The following DSCAM variants were observed in gnomAD, a reference collection of about 807,000 sequenced individuals.
DSCAM encodes the protein DS cell adhesion molecule.
DSCAM carries 47 observed loss-of-function variants against 217.7 expected under a neutral mutation model. The observed-to-expected ratio is 0.22, with a 90% CI of 0.17 to 0.28. The LOEUF (loss-of-function observed/expected upper bound fraction) is 0.28. Among genes scored for constraint, DSCAM ranks in the 10% least tolerant of loss-of-function variants. The pLI is 1.00. For missense variants in DSCAM, 2,080 were observed against 2,618.3 expected (o/e 0.79, Z 4.49); for synonymous variants, 1,056 against 1,015.3 (o/e 1.04, Z -0.76).
intron 11 of DSCAM, among the ~76,000 whole-genome samples, chr21:40,213,866 C>T (rs962057453): frequency 1.3e-5 from 2 of 152,190 alleles, no homozygotes; most frequent in Admixed American, 1.3e-4. Flanking sequence ...CAGGGCTCTT[C>T]CCCCAAAGAC....
chr21:40,347,518 AT>A, intron 6 of DSCAM, 151 bp downstream of exon 6: 1 of 1,032,884 alleles, frequency 9.7e-7, no homozygotes, highest in Non-Finnish European at 1.4e-6. Context: ...CATTTGCCTG[AT>A]TTAGCTTGAA....
intron 3 of DSCAM, among the ~76,000 whole-genome samples, chr21:40,550,140 G>A (rs962003124): frequency 4.6e-5 from 7 of 152,070 alleles, no homozygotes; most frequent in East Asian, 1.9e-4. Context: ...CACCAACACC[G>A]AGCCCCAGGC....
intron 29 of DSCAM, among the ~76,000 whole-genome samples, chr21:40,053,397 A>T (rs1298139863): frequency 1.3e-5 from 2 of 152,100 alleles, no homozygotes; most frequent in Admixed American, 1.3e-4. Context: ...CTACAACTGG[A>T]CCCAGCACGA....
intron 3 of DSCAM, among the ~76,000 whole-genome samples, chr21:40,679,250 A>C (rs190020851): frequency 6.6e-6 from 1 of 152,374 alleles, no homozygotes; most frequent in African/African-American, 2.4e-5. Flanking sequence ...AAAGTTTCTT[A>C]TTCAAGATTC....
chr21:40,543,227 A>T (rs1181922273), intron 3 of DSCAM, among the ~76,000 whole-genome samples: 8 of 152,140 alleles, frequency 5.3e-5, no homozygotes, highest in Non-Finnish European at 1.2e-4. Flanking sequence ...TTAAAACCTG[A>T]TGTATTCACC....
At chr21:40,806,466 T>G (rs1294817460) in intron 1 of DSCAM, among the ~76,000 whole-genome samples, 1 of 152,194 alleles carries the variant, frequency 6.6e-6, no homozygotes, top group Non-Finnish European at 1.5e-5. Context: ...AATATAGAGT[T>G]GCTACACAAG....
chr21:40,654,947 G>A lies in DSCAM; in HGVS notation c.508+37863C>T, dbSNP rs565188473. Among the ~76,000 whole-genome samples the A allele has an allele frequency of 7.2e-5, 11 of 152,274 alleles. No individual in the cohort carries two copies. The South Asian group carries it at 2.3e-3, about 32-fold the overall frequency. On this transcript the variant is annotated intron_variant, in intron 3 of 32. Transcript: ENST00000400454. ...TTACTAAGTACCAGATTTTCCACCA[G>A]GGGTTAAGGATACCCCCTCAGCTGT...
chr21:40,414,186 A>T (rs966346308), intron 3 of DSCAM, among the ~76,000 whole-genome samples: 1 of 152,212 alleles, frequency 6.6e-6, no homozygotes, highest in Non-Finnish European at 1.5e-5. Context: ...AAGAAAATAA[A>T]AAGTCCAACT....
intron 32 of DSCAM, among the ~76,000 whole-genome samples, chr21:40,026,445 T>C (rs1256443923): frequency 7.1e-6 from 1 of 140,940 alleles, no homozygotes; most frequent in Non-Finnish European, 1.5e-5. Flanking sequence ...TTCTGTCTCG[T>C]TGATCTGTCT....
chr21:40,382,876 C>A (rs2075040956), intron 3 of DSCAM, among the ~76,000 whole-genome samples: 1 of 152,240 alleles, frequency 6.6e-6, no homozygotes, highest in Admixed American at 6.5e-5. Flanking sequence ...AACTGCCCAT[C>A]ATATGCAGAC....
chr21:40,268,878 A>C (rs1428568168), intron 11 of DSCAM, among the ~76,000 whole-genome samples: 1 of 152,090 alleles, frequency 6.6e-6, no homozygotes, highest in Non-Finnish European at 1.5e-5. Flanking sequence ...CTCCCTCACC[A>C]GGTACTGAGC....
chr21:40,643,138 G>T (rs1042473984), intron 3 of DSCAM, among the ~76,000 whole-genome samples: 1 of 152,166 alleles, frequency 6.6e-6, no homozygotes, highest in South Asian at 2.1e-4. Context: ...CCAGAGTGCA[G>T]CTCAGATATG....
intron 10 of DSCAM, among the ~76,000 whole-genome samples, chr21:40,292,627 AATT>A (rs924753424): frequency 6.6e-6 from 1 of 152,158 alleles, no homozygotes; most frequent in African/African-American, 2.4e-5. Flanking sequence ...AAGTTATAAA[AATT>A]ATTTACTCCT....
chr21:40,533,899 C>G (rs1031874039), intron 3 of DSCAM, among the ~76,000 whole-genome samples: 1 of 152,168 alleles, frequency 6.6e-6, no homozygotes, highest in South Asian at 2.1e-4. Flanking sequence ...CAAGTGGTTT[C>G]CCTGAAAGGA....
chr21:40,584,855 T>G (rs9982064), intron 3 of DSCAM, among the ~76,000 whole-genome samples: 67,760 of 151,892 alleles, frequency 0.45, 15,985 homozygotes, highest in Admixed American at 0.55. Context: ...TGTTGAAGTG[T>G]GACCCTCAGT....
At chr21:40,525,497 A>C (rs1376964273) in intron 3 of DSCAM, among the ~76,000 whole-genome samples, 1 of 152,252 alleles carries the variant, frequency 6.6e-6, no homozygotes, top group East Asian at 1.9e-4. Flanking sequence ...GTCATGAAAC[A>C]AACATTCTTT....
At chr21:40,079,723 A>T (rs182321698) in intron 25 of DSCAM, among the ~76,000 whole-genome samples, 2 of 152,198 alleles carry the variant, frequency 1.3e-5, no homozygotes, top group East Asian at 3.9e-4. Flanking sequence ...TTTAGATTAA[A>T]AAAAAAACAA....
At chr21:40,189,895 C>G (rs1386702427) in intron 11 of DSCAM, among the ~76,000 whole-genome samples, 1 of 152,170 alleles carries the variant, frequency 6.6e-6, no homozygotes, top group African/African-American at 2.4e-5. Flanking sequence ...TGAAAACGGA[C>G]TAATACAATG....
chr21:40,282,022 T>G (rs999431092), intron 10 of DSCAM, among the ~76,000 whole-genome samples: 12 of 152,240 alleles, frequency 7.9e-5, no homozygotes, highest in African/African-American at 2.9e-4. Flanking sequence ...TTAGACTGCA[T>G]TTTTAAAGAA....
Sources: allele counts gnomAD v4.1 joint callset (sites outside exome capture counted in the v4.1 genomes callset), GRCh38; gene constraint gnomAD v4.1.1; transcripts MANE v1.5; gene names NCBI Gene and HGNC (gene_info 2026-07-23, HGNC 2026-07-21).